Variants in SMYD2 observed in about 807,000 individuals in gnomAD.
The protein encoded by SMYD2 is N-lysine methyltransferase SMYD2.
SMYD2 carries 53 observed loss-of-function variants against 59.1 expected under a neutral mutation model. That is an observed-to-expected ratio of 0.90 (90% CI 0.72 to 1.13). The LOEUF (loss-of-function observed/expected upper bound fraction) is 1.13. Among genes scored for constraint, SMYD2 ranks in the 50% most tolerant of loss-of-function variants. The pLI is 0.00. For synonymous variants in SMYD2, 208 were observed against 198.8 expected, an observed-to-expected ratio of 1.05 and a Z score of -0.39; for missense variants, 494 against 544.7, an observed-to-expected ratio of 0.91 and a Z score of 0.93.
intron 1 of SMYD2, among the ~76,000 whole-genome samples, chr1:214,292,550 CCT>C (rs532988752): frequency 3.3e-5 from 5 of 152,190 alleles, no homozygotes; most frequent in Admixed American, 1.3e-4. Context: ...AGAAGACTAG[CCT>C]CTGTTACTGC....
intron 10 of SMYD2, 174 bp downstream of exon 10, chr1:214,332,366 C>G: frequency 2.9e-6 from 2 of 696,884 alleles, no homozygotes; most frequent in Non-Finnish European, 4.7e-6. Context: ...CAGGCCTGTT[C>G]TCACCATCAT....
intron 6 of SMYD2, among the ~76,000 whole-genome samples, chr1:214,325,862 T>C (rs1657252557): frequency 6.6e-6 from 1 of 151,202 alleles, no homozygotes; most frequent in Non-Finnish European, 1.5e-5. Context: ...AAGGCGTGTA[T>C]TGACACCTTT....
chr1:214,314,959 A>G, intron 3 of SMYD2, 87 bp downstream of exon 3: 2 of 991,980 alleles, frequency 2.0e-6, no homozygotes, highest in Non-Finnish European at 3.1e-6. Flanking sequence ...TTTGGTAACC[A>G]TCTCTCGTTA....
intron 1 of SMYD2, among the ~76,000 whole-genome samples, chr1:214,289,728 C>T (rs1027792018): frequency 7.9e-5 from 12 of 152,222 alleles, no homozygotes; most frequent in Non-Finnish European, 1.5e-4. Context: ...AGACCTTGAG[C>T]TCTCTTCTGA....
intron 7 of SMYD2, among the ~76,000 whole-genome samples, chr1:214,329,342 A>G (rs1017555046): frequency 1.3e-5 from 2 of 151,960 alleles, no homozygotes; most frequent in Admixed American, 1.3e-4. Context: ...GCCCGTGGTC[A>G]CTGGCACGCT....
chr1:214,334,193 G>C lies in SMYD2; in HGVS notation c.1113-7G>C, dbSNP rs1329661864. 2 of 1,612,766 alleles carry C rather than the reference G, an allele frequency of 1.2e-6. No homozygotes were observed. Among genetic ancestry groups the C allele is most frequent in the East Asian group, 4.5e-5 (2 of 44,866 alleles). On this transcript the variant is annotated splice_region_variant and splice_polypyrimidine_tract_variant and intron_variant, in intron 10 of 11. Coordinates refer to ENST00000366957, the MANE Select transcript of SMYD2 (RefSeq NM_020197.3). ...ATGGTGGCCTGTTGTCTCTTCTCTT[G>C]TTCTAGTAAGCACTATCCTTTGTAC...
chr1:214,324,150 T>C (rs914123058), intron 5 of SMYD2, among the ~76,000 whole-genome samples: 1 of 152,156 alleles, frequency 6.6e-6, no homozygotes, highest in Non-Finnish European at 1.5e-5. Flanking sequence ...TTGGTCAGGC[T>C]GGTTTCGAAC....
Position 214,318,086 on chromosome 1 carries a change from A to T in SMYD2, c.356A>T (p.His119Leu). The change falls in exon 4 of 12, where the codon CAC becomes CTC. Residue 119 changes from histidine (H) to leucine (L), a missense_variant. Coordinates refer to ENST00000366957, the MANE Select transcript of SMYD2 (RefSeq NM_020197.3). The surrounding 1 kb of genome is among the most constrained non-coding windows in gnomAD (Gnocchi z 5.4). ...TARILAKQKI[H>L]PERTPSEKLL... is the part of the protein sequence containing the mutation. ...TTCTTCCCCAATTGCTAGAAAATCC[A>T]CCCAGAGAGAACACCTTCGGAAAAA... is the stretch of plus-strand genomic sequence containing the variant. 1.2e-6 allele frequency: 2 copies of T among 1,613,802 alleles called. No homozygotes were observed. Among genetic ancestry groups the T allele is most frequent in the Non-Finnish European group, 1.7e-6 (2 of 1,179,940 alleles).
chr1:214,289,689 A>G (rs2102453758), intron 1 of SMYD2, among the ~76,000 whole-genome samples: 1 of 152,314 alleles, frequency 6.6e-6, no homozygotes, highest in Non-Finnish European at 1.5e-5. Flanking sequence ...CACCTAGAAC[A>G]AGGCACCCTG....
chr1:214,302,713 C>T (rs1036583262), intron 1 of SMYD2, among the ~76,000 whole-genome samples: 1 of 152,150 alleles, frequency 6.6e-6, no homozygotes, highest in African/African-American at 2.4e-5. Context: ...GATGAACTCT[C>T]ACTAGAGTTC....
At position 214,318,221 on chromosome 1, in the gene SMYD2, C is replaced by A. The variant is rs1030017934; in HGVS notation, c.409+82C>A. The A allele has an allele frequency of 2.5e-5, 33 of 1,295,836 alleles. No individual in the cohort carries two copies. Among genetic ancestry groups the A allele is most frequent in the Non-Finnish European group, 3.5e-5 (32 of 911,446 alleles). The allele number at this position is 1,295,836 out of a possible 1,614,324, so 80.3% of individuals were successfully genotyped here. ...TGGGCAGGATTGAAGCGAGGACGGG[C>A]TAGTTTGTGCTCAGAGGAGTAGTGA... On this transcript the variant is annotated intron_variant, in intron 4 of 11. Coordinates refer to ENST00000366957, the MANE Select transcript of SMYD2 (RefSeq NM_020197.3). This position sits in a 1 kb window ranked among gnomAD's most constrained non-coding sequence, Gnocchi z 5.4.
chr1:214,300,363 A>G (rs575870177), intron 1 of SMYD2, among the ~76,000 whole-genome samples: 2 of 152,328 alleles, frequency 1.3e-5, no homozygotes, highest in South Asian at 2.1e-4. Flanking sequence ...TTCTATGTAC[A>G]CAATAAATAC....
intron 1 of SMYD2, among the ~76,000 whole-genome samples, chr1:214,301,844 C>T (rs1447023586): frequency 4.6e-5 from 7 of 150,820 alleles, no homozygotes; most frequent in Non-Finnish European, 8.8e-5. Context: ...CCAGTGATCA[C>T]ACCAGTGCTC....
At chr1:214,322,926 T>G (rs1571931605) in intron 5 of SMYD2, among the ~76,000 whole-genome samples, 1 of 152,184 alleles carries the variant, frequency 6.6e-6, no homozygotes, top group African/African-American at 2.4e-5. Flanking sequence ...GATGCTAGTT[T>G]TACAAAGCCC....
intron 1 of SMYD2, among the ~76,000 whole-genome samples, chr1:214,282,805 G>A (rs191388841): frequency 1.3e-5 from 2 of 152,184 alleles, no homozygotes; most frequent in Admixed American, 1.3e-4. Context: ...AGAGCTAAAG[G>A]GTCATGGCAC....
At chr1:214,314,170 T>A (rs1657043472) in intron 2 of SMYD2, among the ~76,000 whole-genome samples, 1 of 150,922 alleles carries the variant, frequency 6.6e-6, no homozygotes, top group Non-Finnish European at 1.5e-5. Context: ...AGCGAGACTC[T>A]GTCTCAAAAA....
chr1:214,320,294 C>T (rs903345234), intron 5 of SMYD2, among the ~76,000 whole-genome samples: 14 of 152,172 alleles, frequency 9.2e-5, no homozygotes, highest in African/African-American at 3.1e-4. Flanking sequence ...CGAAAACACA[C>T]ATACATAACG....
chr1:214,284,254 GTTTTTTTTTT>G (rs34049644), intron 1 of SMYD2, among the ~76,000 whole-genome samples: 1 of 90,364 alleles, frequency 1.1e-5, no homozygotes, highest in Non-Finnish European at 2.0e-5. Flanking sequence ...TTTTGGTGTG[GTTTTTTTTTT>G]TTTTTTTTTT....
At chr1:214,302,333 C>T (rs1434297065) in intron 1 of SMYD2, among the ~76,000 whole-genome samples, 1 of 112,920 alleles carries the variant, frequency 8.9e-6, no homozygotes, top group Non-Finnish European at 1.8e-5. Context: ...AGCAAGACTC[C>T]GTTTCAAAAA....
Sources: allele counts gnomAD v4.1 joint callset (sites outside exome capture counted in the v4.1 genomes callset), GRCh38; gene constraint gnomAD v4.1.1; non-coding constraint Gnocchi (gnomAD v3.1); transcripts MANE v1.5; gene names NCBI Gene and HGNC (gene_info 2026-07-23, HGNC 2026-07-21).